ATP2B2: variants seen among roughly 807,000 people sequenced by gnomAD.
ATP2B2 encodes ATPase plasma membrane Ca2+ transporting 2, also known as plasma membrane calcium-transporting ATPase 2.
ATP2B2 carries 15 observed loss-of-function variants against 120.0 expected under a neutral mutation model. That is an observed-to-expected ratio of 0.12 (90% CI 0.08 to 0.19). The LOEUF (loss-of-function observed/expected upper bound fraction) is 0.19. Ranked by LOEUF, ATP2B2 falls within the 10% of genes least tolerant of loss-of-function variation. ATP2B2 has a pLI of 1.00. For missense variants in ATP2B2, 1,045 were observed against 1,719.8 expected (o/e 0.61, Z 6.94); for synonymous variants, 694 against 700.3 (o/e 0.99, Z 0.14).
chr3:10,410,520 G>T, intron 3 of ATP2B2, 98 bp downstream of exon 3: 1 of 1,421,714 alleles, frequency 7.0e-7, no homozygotes, highest in Non-Finnish European at 9.5e-7. Flanking sequence ...TTCTTCCCCT[G>T]GGAGGAGAGG....
intron 2 of ATP2B2, among the ~76,000 whole-genome samples, chr3:10,576,247 G>A (rs1005687138): frequency 1.3e-5 from 2 of 152,292 alleles, no homozygotes; most frequent in Admixed American, 6.5e-5. Flanking sequence ...GCGCACACTC[G>A]GCAGAACGTC....
intron 2 of ATP2B2, among the ~76,000 whole-genome samples, chr3:10,430,722 A>G (rs539447535): frequency 6.6e-6 from 1 of 151,816 alleles, no homozygotes; most frequent in South Asian, 2.1e-4. Context: ...CTACTTGGTT[A>G]GAACTTGGAG....
In ATP2B2 at chr3:10,648,352, C is replaced by T. The variant is rs114251311; in HGVS notation, c.-459-28391G>A. On this transcript the variant is annotated intron_variant, in intron 1 of 21. Coordinates refer to the ATP2B2 transcript ENST00000646379. Reference sequence around the variant, plus strand: ...CAGTTTCCTGGATTTCTTCCAACATCTCTGGCCATGCTTTCTCTGTCCCCT... The same window carrying T: ...CAGTTTCCTGGATTTCTTCCAACATTTCTGGCCATGCTTTCTCTGTCCCCT... Among the ~76,000 whole-genome samples the T allele has an allele frequency of 9.5e-3, 1,453 of 152,328 alleles. 15 individuals are homozygous for T. Among genetic ancestry groups the T allele is most frequent in the Non-Finnish European group, 0.016 (1,113 of 68,032 alleles).
intron 3 of ATP2B2, among the ~76,000 whole-genome samples, chr3:10,523,911 T>C (rs965331929): frequency 6.6e-6 from 1 of 152,142 alleles, no homozygotes; most frequent in Non-Finnish European, 1.5e-5. Context: ...AACCAGCTAC[T>C]TGTGAGAGCA....
chr3:10,504,033 C>T (rs11928496), intron 1 of ATP2B2, among the ~76,000 whole-genome samples: 2,584 of 152,238 alleles, frequency 0.017, 66 homozygotes, highest in African/African-American at 0.059. Context: ...ACATATATGA[C>T]GCACTACTTA....
intron 9 of ATP2B2, among the ~76,000 whole-genome samples, 180 bp downstream of exon 9, chr3:10,379,057 GTGGACA>G (rs893814804): frequency 1.7e-4 from 26 of 152,242 alleles, no homozygotes; most frequent in Admixed American, 6.5e-4. Context: ...CTCCTCACCG[GTGGACA>G]CCTCTTTATT....
At chr3:10,562,686 G>A (rs1448533516) in intron 2 of ATP2B2, among the ~76,000 whole-genome samples, 16 of 152,172 alleles carry the variant, frequency 1.1e-4, no homozygotes. Context: ...CATTGAATTG[G>A]TAGCAGTGTT....
intron 2 of ATP2B2, among the ~76,000 whole-genome samples, chr3:10,561,301 G>T (rs1381373221): frequency 6.6e-6 from 1 of 152,172 alleles, no homozygotes; most frequent in African/African-American, 2.4e-5. Context: ...TGGATGTATG[G>T]ACATATAGCC....
chr3:10,458,699 T>G (rs2064363312), intron 1 of ATP2B2, among the ~76,000 whole-genome samples: 1 of 152,136 alleles, frequency 6.6e-6, no homozygotes, highest in African/African-American at 2.4e-5. Context: ...ATGACTATGA[T>G]GAACAGCAAT....
rs113103000 is a variant in ATP2B2 at position 10,452,005 on chromosome 3, A to G, written c.-319-2143T>C. On this transcript the variant is annotated intron_variant, in intron 1 of 22. Transcript: ENST00000360273. ...AGCACTTGGCTCCTTGTAGCTACCT[A>G]GTAAACAATTGTTAAATGAATAAGT... is the stretch of plus-strand genomic sequence containing the variant. Among the ~76,000 whole-genome samples, 802 of 152,386 alleles carry G rather than the reference A, an allele frequency of 5.3e-3. 11 individuals carry two copies. Among genetic ancestry groups the G allele is most frequent in the African/African-American group, 0.018 (756 of 41,594 alleles).
intron 2 of ATP2B2, among the ~76,000 whole-genome samples, chr3:10,557,732 C>T (rs1028519412): frequency 1.3e-5 from 2 of 152,324 alleles, no homozygotes; most frequent in South Asian, 4.1e-4. Context: ...CTGTTTTTAT[C>T]TTTCACCCAC....
At chr3:10,705,229 T>C (rs1362707498) in intron 1 of ATP2B2, among the ~76,000 whole-genome samples, 1 of 152,232 alleles carries the variant, frequency 6.6e-6, no homozygotes, top group East Asian at 1.9e-4. Context: ...GAACTTACCA[T>C]GTCCCATAGC....
intron 22 of ATP2B2, among the ~76,000 whole-genome samples, chr3:10,330,844 G>A (rs938888308): frequency 1.3e-5 from 2 of 152,230 alleles, no homozygotes; most frequent in Non-Finnish European, 2.9e-5. Context: ...CTGTTGCAGA[G>A]GGAATTCTTT....
intron 1 of ATP2B2, among the ~76,000 whole-genome samples, chr3:10,653,462 TG>T (rs1202778311): frequency 6.6e-6 from 1 of 152,086 alleles, no homozygotes; most frequent in Non-Finnish European, 1.5e-5. Context: ...GGGACCCACT[TG>T]GGGGGCGTCA....
At chr3:10,434,889 C>T (rs2063428532) in intron 2 of ATP2B2, among the ~76,000 whole-genome samples, 1 of 152,256 alleles carries the variant, frequency 6.6e-6, no homozygotes, top group African/African-American at 2.4e-5. Flanking sequence ...AGGTATCTTC[C>T]TGGCCCCTCC....
intron 1 of ATP2B2, among the ~76,000 whole-genome samples, chr3:10,452,673 T>C (rs950094353): frequency 6.6e-6 from 1 of 151,988 alleles, no homozygotes; most frequent in Non-Finnish European, 1.5e-5. Context: ...GTAGGAGAGA[T>C]GGGTCTCAGA....
At position 10,340,514 on chromosome 3, in the gene ATP2B2, C is replaced by T. The variant is rs767851974; in HGVS notation, c.3108G>A (p.Val1036=). Residue 1036 remains valine (V), a synonymous_variant, in exon 20 of 23, where the codon GTG becomes GTA. Transcript: ENST00000360273. This position sits in a 1 kb window ranked among gnomAD's most constrained non-coding sequence, Gnocchi z 5.0. The part of the protein sequence containing the change: ...IFRNPIFCTI[V]LGTFAIQIVI... ...CTACCTGGATGGCAAAGGTGCCCAG[C>T]ACGATGGTGCAGAAGATGGGGTTCC... 6 of 1,614,194 alleles carry T rather than the reference C, an allele frequency of 3.7e-6. No individual in the cohort carries two copies. Among genetic ancestry groups the T allele is most frequent in the East Asian group, 2.2e-5 (1 of 44,884 alleles).
At chr3:10,616,366 G>A (rs1175003750) in intron 2 of ATP2B2, among the ~76,000 whole-genome samples, 1 of 152,164 alleles carries the variant, frequency 6.6e-6, no homozygotes, top group Non-Finnish European at 1.5e-5. Flanking sequence ...CTGTCTAGGA[G>A]CCAAAGAGAG....
chr3:10,555,006 C>A (rs908055354), intron 2 of ATP2B2, among the ~76,000 whole-genome samples: 5 of 152,164 alleles, frequency 3.3e-5, no homozygotes, highest in Admixed American at 2.6e-4. Flanking sequence ...CCCCTCTGAA[C>A]CTTTCTTGGG....
Sources: gnomAD v4.1 joint callset for allele counts (sites outside exome capture counted in the v4.1 genomes callset) on GRCh38, gnomAD v4.1.1 for gene constraint, Gnocchi (gnomAD v3.1) non-coding constraint, MANE v1.5 for transcripts, NCBI Gene and HGNC (gene_info 2026-07-23, HGNC 2026-07-21) for gene names.